The following MYT1 variants were observed in gnomAD, a reference collection of about 807,000 sequenced individuals.
MYT1 encodes the protein myelin transcription factor 1.
Under a neutral mutation model 123.0 loss-of-function variants are expected in MYT1, and 23 were observed. The observed-to-expected ratio is 0.19, with a 90% confidence interval of 0.13 to 0.26. MYT1 has a LOEUF of 0.26. Ranked by LOEUF, MYT1 falls within the 10% of genes least tolerant of loss-of-function variation. The probability of loss-of-function intolerance (pLI) is 1.00; values close to 1 mark genes in which losing one functional copy is unlikely to be tolerated. For missense variants in MYT1, 1,125 were observed against 1,472.5 expected, an observed-to-expected ratio of 0.76 and a Z score of 3.86; for synonymous variants, 518 against 575.3, an observed-to-expected ratio of 0.90 and a Z score of 1.43.
At position 64,189,415 on chromosome 20, in the gene MYT1, T is replaced by A. The variant is rs2145702500; in HGVS notation, c.-98-648T>A. 6.6e-6 allele frequency among the ~76,000 whole-genome samples: 1 copy of A among 152,200 alleles called. No homozygotes were observed. Among genetic ancestry groups the A allele is most frequent in the Non-Finnish European group, 1.5e-5 (1 of 68,010 alleles). On this transcript the variant is annotated intron_variant, in intron 1 of 22. Coordinates refer to ENST00000328439, the MANE Select transcript of MYT1 (RefSeq NM_004535.3). The surrounding 1 kb of genome is among the most constrained non-coding windows in gnomAD (Gnocchi z 5.5). The stretch of plus-strand genomic sequence containing the variant: ...TCAGCCTCTGCTCAGACATGGGAAT[T>A]TATGTGAGGAATTAAATATTAACTG...
chr20:64,207,444 C>T (rs761953564), intron 6 of MYT1, 150 bp from the exon 7 acceptor site: 51 of 1,404,938 alleles, frequency 3.6e-5, no homozygotes, highest in Non-Finnish European at 4.8e-5. Flanking sequence ...ATACCAAATC[C>T]CCACTTCTGG....
chr20:64,191,463 C>G lies in MYT1; in HGVS notation c.-1+1303C>G, dbSNP rs1982968280. 1 of 152,244 alleles carries G rather than the reference C, an allele frequency of 6.6e-6. No homozygotes were observed. The highest frequency in any genetic ancestry group is 6.5e-5 in the Admixed American group (1 of 15,280). The allele number at this position is 152,244 out of a possible 1,614,324, so 9.4% of individuals were successfully genotyped here. ...CTTCCCAGAGATCCGATTCTGACCT[C>G]TCTTTTTTCTTTTTTGCATGTAGAT... On this transcript the variant is annotated intron_variant, in intron 2 of 22. Transcript: ENST00000328439. This position sits in a 1 kb window ranked among gnomAD's most constrained non-coding sequence, Gnocchi z 4.1.
In MYT1 at chr20:64,219,017, A is replaced by G. The variant is rs1173863774; in HGVS notation, c.1953A>G (p.Pro651=). The G allele has an allele frequency of 6.2e-7, 1 of 1,613,560 alleles. No homozygotes were observed. The highest frequency in any genetic ancestry group is 2.2e-5 in the East Asian group (1 of 44,886). ...TGCCTGAGAACCTCAGCACGAAGCC[A>G]CAGGACCTCCCCAGCAAGGTTAGTA... is the stretch of plus-strand genomic sequence containing the variant. ...WEMPENLSTK[P]QDLPSKSVDI... is the part of the protein sequence containing the mutation. Residue 651 remains proline (P), a synonymous_variant, in exon 12 of 23, where the codon CCA becomes CCG. Transcript: ENST00000328439.
rs1175604736 is a variant in MYT1, at chr20:64,220,786, G to A, written c.2241+804G>A. Among the ~76,000 whole-genome samples the A allele has an allele frequency of 2.2e-5, 3 of 136,102 alleles. No individual in the cohort carries two copies. The East Asian group carries it at 6.2e-4, about 28-fold the overall frequency. 89.3% of individuals were successfully genotyped at this position (136,102 alleles called of 152,430 possible). A position where few individuals can be genotyped will look rare whatever the true frequency, so the allele number is the denominator to read the frequency against. On this transcript the variant is annotated intron_variant, in intron 13 of 22. Transcript: ENST00000328439. ...ACCCTCAAGGAGGAATGAGGGGGGT[G>A]GGGCTAGGCCCCTATGAAGGGTGGG... is the stretch of plus-strand genomic sequence containing the variant.
At position 64,179,263 on chromosome 20, in the gene MYT1, C is replaced by T. The variant is rs190890988; in HGVS notation, c.-98-10800C>T. ...AACGTGGGAGCACTGAGCCGTTATTCGGTGGGATGCCCTTCAACGTGGGTT... is the reference window on the plus strand; with the variant it reads ...AACGTGGGAGCACTGAGCCGTTATTTGGTGGGATGCCCTTCAACGTGGGTT... On this transcript the variant is annotated intron_variant, in intron 1 of 22. Transcript: ENST00000328439. Among the ~76,000 whole-genome samples, 501 of 152,048 alleles carry T rather than the reference C, an allele frequency of 3.3e-3. 2 individuals are homozygous for T. Among genetic ancestry groups the T allele is most frequent in the Non-Finnish European group, 4.8e-3 (328 of 67,954 alleles).
chr20:64,211,582 G>A (rs1355676729), intron 8 of MYT1, among the ~76,000 whole-genome samples: 1 of 152,242 alleles, frequency 6.6e-6, no homozygotes, highest in Non-Finnish European at 1.5e-5. Context: ...CGCCAGTCCG[G>A]GTCAGAGCCC....
intron 14 of MYT1, 118 bp from the exon 15 acceptor site, chr20:64,222,993 C>T (rs1213689633): frequency 1.8e-6 from 2 of 1,106,548 alleles, no homozygotes; most frequent in East Asian, 4.7e-5. Flanking sequence ...GAGGAGGGGC[C>T]ACCGCTTGGC....
intron 6 of MYT1, among the ~76,000 whole-genome samples, chr20:64,206,542 C>T (rs1983492749): frequency 1.3e-5 from 2 of 152,216 alleles, no homozygotes; most frequent in South Asian, 4.1e-4. Context: ...GTCCACTCCC[C>T]CCACCATCCC....
At chr20:64,229,915 G>A (rs933070779) in intron 18 of MYT1, among the ~76,000 whole-genome samples, 2 of 152,134 alleles carry the variant, frequency 1.3e-5, no homozygotes, top group African/African-American at 4.8e-5. Context: ...CCCTGGAGGG[G>A]ACTTCTGGTC....
intron 6 of MYT1, 148 bp from the exon 7 acceptor site, chr20:64,207,446 C>T (rs745453867): frequency 1.8e-5 from 26 of 1,413,304 alleles, no homozygotes; most frequent in Non-Finnish European, 2.5e-5. Context: ...ACCAAATCCC[C>T]ACTTCTGGAG....
intron 16 of MYT1, among the ~76,000 whole-genome samples, chr20:64,224,831 G>A (rs999546006): frequency 6.6e-6 from 1 of 152,194 alleles, no homozygotes; most frequent in East Asian, 1.9e-4. Context: ...AAATGTGGCT[G>A]CAGGCACTCA....
chr20:64,195,977 C>T (rs376458038), intron 2 of MYT1, among the ~76,000 whole-genome samples: 16 of 152,292 alleles, frequency 1.1e-4, no homozygotes, highest in African/African-American at 2.9e-4. Context: ...AAGACATGCT[C>T]GCAGTGGCAG....
At chr20:64,178,442 T>C (rs1049945711) in intron 1 of MYT1, among the ~76,000 whole-genome samples, 6 of 152,264 alleles carry the variant, frequency 3.9e-5, no homozygotes, top group Admixed American at 3.9e-4. Flanking sequence ...ACTCCTCGCC[T>C]TTCGTGACCT....
At chr20:64,179,786 T>C (rs1982583985) in intron 1 of MYT1, among the ~76,000 whole-genome samples, 1 of 152,074 alleles carries the variant, frequency 6.6e-6, no homozygotes, top group African/African-American at 2.4e-5. Flanking sequence ...GGAAGACGTA[T>C]GTGTGTACAC....
chr20:64,193,583 A>G lies in MYT1; in HGVS notation c.-1+3423A>G, dbSNP rs886333035. ...TGTCTTTCTCCCCTCCCCTCACTGC[A>G]GAGAAGTGAGACTGAATGTGGTGTG... On this transcript the variant is annotated intron_variant, in intron 2 of 22. Coordinates refer to ENST00000328439, the MANE Select transcript of MYT1 (RefSeq NM_004535.3). This position sits in a 1 kb window ranked among gnomAD's most constrained non-coding sequence, Gnocchi z 4.0. 6.6e-6 allele frequency among the ~76,000 whole-genome samples: 1 copy of G among 152,108 alleles called. No homozygotes were observed. Among genetic ancestry groups the G allele is most frequent in the Non-Finnish European group, 1.5e-5 (1 of 68,002 alleles).
intron 16 of MYT1, among the ~76,000 whole-genome samples, chr20:64,224,769 G>A (rs551085747): frequency 1.3e-4 from 19 of 151,910 alleles, no homozygotes; most frequent in Non-Finnish European, 1.8e-4. Context: ...TTTCTTTTCC[G>A]TGATTAGTCT....
intron 16 of MYT1, among the ~76,000 whole-genome samples, chr20:64,226,261 GGGGCCGAAGAGAAGGTTGCAA>G (rs1349732879): frequency 6.6e-6 from 1 of 152,278 alleles, no homozygotes; most frequent in Non-Finnish European, 1.5e-5. Context: ...AAAACTCCTA[GGGGCCGAAGAGAAGGTTGCAA>G]GAGGTGGGGC....
In MYT1 at chr20:64,166,102, T is replaced by C. The variant is rs887720058; in HGVS notation, c.-99+1363T>C. Among the ~76,000 whole-genome samples, 1 of 152,186 alleles carries C rather than the reference T, an allele frequency of 6.6e-6. No homozygotes were observed. Among genetic ancestry groups the C allele is most frequent in the African/African-American group, 2.4e-5 (1 of 41,458 alleles). On this transcript the variant is annotated intron_variant, in intron 1 of 22. Transcript: ENST00000328439. This position sits in a 1 kb window ranked among gnomAD's most constrained non-coding sequence, Gnocchi z 4.9. ...CCTGCCACCCCGGGCTCCCCTCCCA[T>C]TGGTCCTTGGCTGTGATTATCGCCT... is the stretch of plus-strand genomic sequence containing the variant.
At chr20:64,237,208 A>G in intron 20 of MYT1, 79 bp from the exon 21 acceptor site, 1 of 1,191,328 alleles carries the variant, frequency 8.4e-7, no homozygotes, top group Non-Finnish European at 1.2e-6. Flanking sequence ...TCAGTTCTAG[A>G]AAGCAGGCTT....
Sources: gnomAD v4.1 joint callset for allele counts (sites outside exome capture counted in the v4.1 genomes callset) on GRCh38, gnomAD v4.1.1 for gene constraint, Gnocchi (gnomAD v3.1) non-coding constraint, MANE v1.5 for transcripts, NCBI Gene and HGNC (gene_info 2026-07-23, HGNC 2026-07-21) for gene names.